The following GHR variants were observed in gnomAD, a reference collection of about 807,000 sequenced individuals.
The protein encoded by GHR is GH receptor.
A neutral mutation model predicts 67.1 loss-of-function variants in GHR; 35 were observed. The observed-to-expected ratio is 0.52, with a 90% CI of 0.40 to 0.69. The LOEUF (loss-of-function observed/expected upper bound fraction) is 0.69, where lower values mean the gene tolerates loss of function less well. Among genes scored for constraint, GHR ranks in the 30% least tolerant of loss-of-function variants. GHR has a pLI of 0.00. For missense variants in GHR, 792 were observed against 764.6 expected (o/e 1.04, Z -0.42); for synonymous variants, 272 against 269.1 (o/e 1.01, Z -0.10).
intron 6 of GHR, among the ~76,000 whole-genome samples, chr5:42,704,158 C>T (rs1422925241): frequency 6.6e-6 from 1 of 151,896 alleles, no homozygotes; most frequent in African/African-American, 2.4e-5. Flanking sequence ...AGAAGAAAAG[C>T]TTTCCACATT....
chr5:42,614,524 A>G (rs1293296288), intron 2 of GHR, among the ~76,000 whole-genome samples: 1 of 133,866 alleles, frequency 7.5e-6, no homozygotes, highest in Non-Finnish European at 1.5e-5. Flanking sequence ...AGACCATACT[A>G]CCTAGAGCAG....
rs540992897 is a variant in GHR at position 42,524,471 on chromosome 5, G to A, written c.-11-41393G>A. On this transcript the variant is annotated intron_variant, in intron 1 of 9. Coordinates refer to ENST00000230882, the MANE Select transcript of GHR (RefSeq NM_000163.5). The stretch of plus-strand genomic sequence containing the variant: ...AAGCATTCAAGAGGTGAATGCTTGG[G>A]TGCCATTAAAAGCATTTCATTGTGA... Among the ~76,000 whole-genome samples the A allele has an allele frequency of 2.6e-4, 39 of 152,294 alleles. No individual in the cohort carries two copies. In the South Asian group the frequency reaches 8.1e-3, roughly 32 times the overall value.
rs1416170576 is a variant in GHR at position 42,663,917 on chromosome 5, G to A, written c.137-24973G>A. Among the ~76,000 whole-genome samples the A allele has an allele frequency of 4.6e-5, 7 of 152,270 alleles. No individual in the cohort carries two copies. In the East Asian group the frequency reaches 5.8e-4, roughly 13 times the overall value. On this transcript the variant is annotated intron_variant, in intron 3 of 9. Coordinates refer to ENST00000230882, the MANE Select transcript of GHR (RefSeq NM_000163.5). ...CAAAGTCTCAGGATACAAAATCAAT[G>A]TGCAAAAATCACAAGCATTCTTATA...
rs1057017308 is a variant in GHR at position 42,721,742 on chromosome 5, A to G, written c.*2318A>G. 1 of 152,636 alleles carries G rather than the reference A, an allele frequency of 6.6e-6. No individual in the cohort carries two copies. The highest frequency in any genetic ancestry group is 1.5e-5 in the Non-Finnish European group (1 of 68,046). The allele number at this position is 152,636 out of a possible 1,614,324, so 9.5% of individuals were successfully genotyped here. ...TAAGCCATTATTCACTAGTATGACT[A>G]GTTGTGTCTGGCAGTTTATATTTAA... On this transcript the variant is annotated 3_prime_UTR_variant, in exon 10 of 10. Transcript: ENST00000230882.
intron 3 of GHR, among the ~76,000 whole-genome samples, chr5:42,661,790 A>G (rs1333014491): frequency 1.3e-5 from 2 of 152,226 alleles, no homozygotes; most frequent in Non-Finnish European, 2.9e-5. Context: ...AAATGCTCCA[A>G]TTAAAAGACA....
rs750067186 is a variant in GHR, at chr5:42,443,077, G to A, written c.-12+19122G>A. Among the ~76,000 whole-genome samples, 7 of 152,270 alleles carry A rather than the reference G, an allele frequency of 4.6e-5. No individual in the cohort carries two copies. The East Asian group carries it at 5.8e-4, about 13-fold the overall frequency. Reference sequence around the variant, plus strand: ...AGGGGCAACACTCCTGGCTCACTTGGCATGAGGTAATGTCAGTCTGGCTAC... The same window carrying A: ...AGGGGCAACACTCCTGGCTCACTTGACATGAGGTAATGTCAGTCTGGCTAC... On this transcript the variant is annotated intron_variant, in intron 1 of 9. Transcript: ENST00000230882.
intron 1 of GHR, among the ~76,000 whole-genome samples, chr5:42,480,580 G>T (rs1745581007): frequency 6.6e-6 from 1 of 152,134 alleles, no homozygotes; most frequent in African/African-American, 2.4e-5. Flanking sequence ...CCTGTATTAG[G>T]TGCATATATA....
chr5:42,468,716 T>C, intron 1 of GHR: 2 of 985,120 alleles, frequency 2.0e-6, no homozygotes, highest in Non-Finnish European at 3.2e-6. Flanking sequence ...GAGCTGCCGC[T>C]CTTGGCCCCA....
chr5:42,429,594 T>TA (rs2111883976), intron 1 of GHR, among the ~76,000 whole-genome samples: 1 of 152,340 alleles, frequency 6.6e-6, no homozygotes, highest in Non-Finnish European at 1.5e-5. Context: ...TAATCATCCA[T>TA]AGTCAAAGCA....
chr5:42,645,291 G>C (rs1024819847), intron 3 of GHR, among the ~76,000 whole-genome samples: 2 of 152,180 alleles, frequency 1.3e-5, no homozygotes, highest in African/African-American at 4.8e-5. Flanking sequence ...GTATTTGTTT[G>C]TGCACAGCTC....
intron 1 of GHR, among the ~76,000 whole-genome samples, chr5:42,510,882 C>T (rs1185180964): frequency 2.0e-5 from 3 of 152,152 alleles, no homozygotes; most frequent in Non-Finnish European, 4.4e-5. Flanking sequence ...TCTTTAATTC[C>T]CTTAAGAGAG....
intron 7 of GHR, 114 bp from the exon 8 acceptor site, chr5:42,713,315 T>C: frequency 1.3e-5 from 9 of 687,498 alleles, no homozygotes; most frequent in Non-Finnish European, 2.4e-5. Context: ...GAGAAATCAC[T>C]GACTTTATTA....
In GHR at chr5:42,720,265, G is replaced by C. The variant is rs1293943135; in HGVS notation, c.*841G>C. 1 of 152,104 alleles carries C rather than the reference G, an allele frequency of 6.6e-6. No individual in the cohort carries two copies. The highest frequency in any genetic ancestry group is 1.5e-5 in the Non-Finnish European group (1 of 68,018). 9.4% of individuals were successfully genotyped at this position (152,104 alleles called of 1,614,324 possible). The stretch of plus-strand genomic sequence containing the variant: ...TAGAAAACTTTAAAGCGTTTGCACA[G>C]ATCAACTTACCAGGCACCAAAAGAA... On this transcript the variant is annotated 3_prime_UTR_variant, in exon 10 of 10. Coordinates refer to ENST00000230882, the MANE Select transcript of GHR (RefSeq NM_000163.5).
intron 2 of GHR, among the ~76,000 whole-genome samples, chr5:42,604,314 T>TCCC (rs1319206675): frequency 4.6e-5 from 7 of 152,114 alleles, no homozygotes; most frequent in African/African-American, 1.7e-4. Flanking sequence ...ACAAAAAGAG[T>TCCC]ATTAGCTAGT....
At chr5:42,529,941 A>G (rs2112335363) in intron 1 of GHR, among the ~76,000 whole-genome samples, 1 of 151,828 alleles carries the variant, frequency 6.6e-6, no homozygotes, top group Admixed American at 6.6e-5. Flanking sequence ...AAATAGAATG[A>G]ACTTCTTCCG....
intron 1 of GHR, among the ~76,000 whole-genome samples, chr5:42,534,926 AT>A (rs1355291028): frequency 4.0e-5 from 6 of 151,766 alleles, no homozygotes; most frequent in Non-Finnish European, 8.8e-5. Context: ...GATATTGAGC[AT>A]TTTTTCACAT....
At chr5:42,481,030 T>G (rs1034919707) in intron 1 of GHR, among the ~76,000 whole-genome samples, 1 of 152,118 alleles carries the variant, frequency 6.6e-6, no homozygotes, top group African/African-American at 2.4e-5. Context: ...TGGTACCGGT[T>G]GTTCCTTTCC....
Position 42,482,437 on chromosome 5 carries a change from G to A in GHR, c.-12+58482G>A, listed in dbSNP as rs185835878. 6.5e-3 allele frequency among the ~76,000 whole-genome samples: 993 copies of A among 152,334 alleles called. 7 individuals are homozygous for A. The highest frequency in any genetic ancestry group is 0.01 in the Non-Finnish European group (707 of 68,032). ...AGACAGGTACATTTAAGTCTGCAGA[G>A]GTTACTGCTGTCTTTTTGTTTGTCT... On this transcript the variant is annotated intron_variant, in intron 1 of 9. Coordinates refer to ENST00000230882, the MANE Select transcript of GHR (RefSeq NM_000163.5).
chr5:42,607,848 A>G (rs1185266405), intron 2 of GHR, among the ~76,000 whole-genome samples: 2 of 152,238 alleles, frequency 1.3e-5, no homozygotes, highest in Non-Finnish European at 2.9e-5. Context: ...AACTTCTTAC[A>G]GAACTTTCCT....
Sources: allele counts gnomAD v4.1 joint callset (sites outside exome capture counted in the v4.1 genomes callset), GRCh38; gene constraint gnomAD v4.1.1; transcripts MANE v1.5; gene names NCBI Gene and HGNC (gene_info 2026-07-23, HGNC 2026-07-21).